The following SORCS2 variants were observed in gnomAD, a reference collection of about 807,000 sequenced individuals.
The protein encoded by SORCS2 is sortilin related VPS10 domain containing receptor 2.
In SORCS2, 100 loss-of-function variants were observed where a neutral mutation model predicts 141.6. The ratio of observed to expected loss-of-function variants is 0.71; its 90% CI spans 0.60 to 0.83. The LOEUF is 0.83. Among genes scored for constraint, SORCS2 ranks in the 40% least tolerant of loss-of-function variants. The probability of loss-of-function intolerance (pLI) is 0.00; values close to 1 mark genes in which losing one functional copy is unlikely to be tolerated. For missense variants in SORCS2, 1,646 were observed against 1,560.2 expected (o/e 1.05, Z -0.93); for synonymous variants, 789 against 676.9 (o/e 1.17, Z -2.57).
chr4:7,283,150 G>C (rs1045099199), intron 1 of SORCS2, among the ~76,000 whole-genome samples: 1 of 152,156 alleles, frequency 6.6e-6, no homozygotes, highest in African/African-American at 2.4e-5. Flanking sequence ...CACCTTTCTA[G>C]GACACCATGG....
chr4:7,718,178 G>A lies in SORCS2; in HGVS notation c.2419G>A (p.Glu807Lys), dbSNP rs746661005. 8.1e-6 allele frequency: 13 copies of A among 1,609,612 alleles called. No homozygotes were observed. The highest frequency in any genetic ancestry group is 1.1e-5 in the Non-Finnish European group (13 of 1,179,168). The change falls in exon 18 of 27, where the codon GAG becomes AAG. Residue 807 changes from glutamate to lysine, a missense_variant. By Grantham distance (56) the Glu-to-Lys change is moderately conservative (BLOSUM62 1). Transcript: ENST00000507866. ...GEDVLFVVRQEQGDVLTTKYQ... is the reference protein window; with the variant it reads ...GEDVLFVVRQKQGDVLTTKYQ... Reference sequence around the variant, plus strand: ...GGACGTCCTGTTTGTGGTGCGGCAGGAGCAGGTGAGTGAGCACCTCCCAGC... The same window carrying A: ...GGACGTCCTGTTTGTGGTGCGGCAGAAGCAGGTGAGTGAGCACCTCCCAGC...
At chr4:7,574,066 G>A (rs533998349) in intron 3 of SORCS2, among the ~76,000 whole-genome samples, 1 of 152,222 alleles carries the variant, frequency 6.6e-6, no homozygotes, top group Non-Finnish European at 1.5e-5. Context: ...GAGCCCTTTG[G>A]CATTGCTTTA....
At chr4:7,688,144 G>T (rs1048824729) in intron 10 of SORCS2, among the ~76,000 whole-genome samples, 2 of 152,204 alleles carry the variant, frequency 1.3e-5, no homozygotes, top group Admixed American at 1.3e-4. Context: ...TCATGGGCCA[G>T]AAGAAAGTGT....
chr4:7,421,749 G>A (rs572472787), intron 2 of SORCS2, among the ~76,000 whole-genome samples: 2 of 152,220 alleles, frequency 1.3e-5, no homozygotes, highest in East Asian at 3.9e-4. Context: ...GGCCACTGCG[G>A]CCCCTCTCTG....
intron 2 of SORCS2, among the ~76,000 whole-genome samples, chr4:7,427,010 C>T (rs1458003146): frequency 6.6e-6 from 1 of 152,140 alleles, no homozygotes; most frequent in African/African-American, 2.4e-5. Flanking sequence ...CAAGGAAGGG[C>T]TTAGTGGTGG....
At chr4:7,559,589 G>A (rs1183977776) in intron 3 of SORCS2, among the ~76,000 whole-genome samples, 1 of 152,122 alleles carries the variant, frequency 6.6e-6, no homozygotes, top group Non-Finnish European at 1.5e-5. Flanking sequence ...TCCAGCCTCT[G>A]GAGCAACAAA....
chr4:7,724,163 A>ATGGTGGTGATAGTGG (rs1553808173), intron 19 of SORCS2, among the ~76,000 whole-genome samples: 9 of 124,342 alleles, frequency 7.2e-5, no homozygotes, highest in African/African-American at 2.7e-4. Flanking sequence ...GGTGGTGGTG[A>ATGGTGGTGATAGTGG]TGGTGGTGAT....
intron 26 of SORCS2, among the ~76,000 whole-genome samples, chr4:7,738,661 G>A (rs116989252): frequency 2.6e-5 from 4 of 152,258 alleles, no homozygotes; most frequent in Non-Finnish European, 4.4e-5. Flanking sequence ...ATCCGGCTTC[G>A]AGCGTCACTC....
Position 7,494,622 on chromosome 4 carries a change from G to A in SORCS2, c.549-36908G>A, listed in dbSNP as rs576631487. Among the ~76,000 whole-genome samples, 13 of 152,262 alleles carry A rather than the reference G, an allele frequency of 8.5e-5. No homozygotes were observed. In the South Asian group the frequency reaches 2.5e-3, roughly 29 times the overall value. On this transcript the variant is annotated intron_variant, in intron 2 of 26. Coordinates refer to ENST00000507866, the MANE Select transcript of SORCS2 (RefSeq NM_020777.3). ...CATCCAACCCTAATCACCTCCCAAA[G>A]GCCCCATCTCCAAATACCATTAAAT...
chr4:7,219,802 T>G (rs1308202197), intron 1 of SORCS2, among the ~76,000 whole-genome samples: 7 of 141,102 alleles, frequency 5.0e-5, no homozygotes, highest in African/African-American at 1.9e-4. Context: ...AGGCTGGGAA[T>G]TTGGAGGGCC....
At chr4:7,218,463 A>G (rs1728506721) in intron 1 of SORCS2, among the ~76,000 whole-genome samples, 1 of 152,238 alleles carries the variant, frequency 6.6e-6, no homozygotes, top group African/African-American at 2.4e-5. Context: ...TTAACTTTTC[A>G]TAGATATTAA....
chr4:7,389,059 G>T (rs924135340), intron 1 of SORCS2, among the ~76,000 whole-genome samples: 2 of 152,242 alleles, frequency 1.3e-5, no homozygotes, highest in African/African-American at 2.4e-5. Flanking sequence ...CCCACTGCGG[G>T]TGGATCATTC....
At chr4:7,411,065 C>T (rs1725273323) in intron 2 of SORCS2, among the ~76,000 whole-genome samples, 1 of 146,430 alleles carries the variant, frequency 6.8e-6, no homozygotes, top group Non-Finnish European at 1.5e-5. Context: ...AAGCGATTCT[C>T]CTACCTCAGC....
At chr4:7,280,665 A>T (rs183511801) in intron 1 of SORCS2, among the ~76,000 whole-genome samples, 48 of 152,286 alleles carry the variant, frequency 3.2e-4, no homozygotes, top group Admixed American at 5.9e-4. Flanking sequence ...TTCAATTCCC[A>T]CCATCAATGA....
At chr4:7,422,132 C>T (rs1012283866) in intron 2 of SORCS2, among the ~76,000 whole-genome samples, 3 of 152,198 alleles carry the variant, frequency 2.0e-5, no homozygotes, top group Non-Finnish European at 2.9e-5. Context: ...TCGTCACCCA[C>T]CTAACGTGGT....
At chr4:7,389,463 C>G (rs916757646) in intron 1 of SORCS2, among the ~76,000 whole-genome samples, 5 of 152,184 alleles carry the variant, frequency 3.3e-5, no homozygotes, top group African/African-American at 4.8e-5. Context: ...CACACCTGGA[C>G]GAGTACACAG....
At chr4:7,313,339 C>T (rs1402168043) in intron 1 of SORCS2, among the ~76,000 whole-genome samples, 5 of 152,228 alleles carry the variant, frequency 3.3e-5, no homozygotes, top group Non-Finnish European at 7.3e-5. Context: ...TGGGGACACA[C>T]AGCAGGGAAG....
intron 1 of SORCS2, among the ~76,000 whole-genome samples, chr4:7,203,529 C>A (rs1348207594): frequency 7.0e-6 from 1 of 143,368 alleles, no homozygotes; most frequent in Non-Finnish European, 1.5e-5. Context: ...AAAAAAAATT[C>A]TTTTTTCTTT....
At chr4:7,412,757 C>G (rs1242528704) in intron 2 of SORCS2, among the ~76,000 whole-genome samples, 1 of 152,086 alleles carries the variant, frequency 6.6e-6, no homozygotes, top group Non-Finnish European at 1.5e-5. Context: ...GCTGCTTCAC[C>G]TGTCCCCCTG....
Sources: gnomAD v4.1 joint callset for allele counts (sites outside exome capture counted in the v4.1 genomes callset) on GRCh38, gnomAD v4.1.1 for gene constraint, MANE v1.5 for transcripts, NCBI Gene and HGNC (gene_info 2026-07-23, HGNC 2026-07-21) for gene names.